Variants in DLGAP2 observed in about 807,000 individuals in gnomAD.
The protein encoded by DLGAP2 is DLG associated protein 2, also known as disks large-associated protein 2.
In DLGAP2, 26 loss-of-function variants were observed where a neutral mutation model predicts 100.3. The ratio of observed to expected loss-of-function variants is 0.26; its 90% confidence interval spans 0.19 to 0.36. DLGAP2 has a LOEUF of 0.36. Ranked by LOEUF, DLGAP2 falls within the 10% of genes least tolerant of loss-of-function variation. DLGAP2 has a pLI of 1.00. For synonymous variants in DLGAP2, 886 were observed against 630.1 expected (o/e 1.41, Z -6.08); for missense variants, 1,858 against 1,453.2 (o/e 1.28, Z -4.53).
At chr8:1,479,168 G>T (rs1310016790) in intron 3 of DLGAP2, among the ~76,000 whole-genome samples, 1 of 152,258 alleles carries the variant, frequency 6.6e-6, no homozygotes, top group Non-Finnish European at 1.5e-5. Context: ...CAGCGGCCTT[G>T]AAAGGAGAGA....
intron 2 of DLGAP2, among the ~76,000 whole-genome samples, chr8:963,292 G>A (rs1322319660): frequency 6.7e-6 from 1 of 148,930 alleles, no homozygotes; most frequent in Non-Finnish European, 1.5e-5. Context: ...GGCACCCTAC[G>A]TAAGGCAAGT....
At chr8:1,114,224 G>T (rs2336699) in intron 2 of DLGAP2, among the ~76,000 whole-genome samples, 11 of 151,946 alleles carry the variant, frequency 7.2e-5, no homozygotes, top group Admixed American at 7.2e-4. Flanking sequence ...GAATGAGTTG[G>T]GGAGGAGTCC....
rs79584532 is a variant in DLGAP2, at chr8:1,161,474, A to G, written c.74-97377A>G. Among the ~76,000 whole-genome samples, 1,458 of 152,326 alleles carry G rather than the reference A, an allele frequency of 9.6e-3. 15 individuals are homozygous for G. Among genetic ancestry groups the G allele is most frequent in the African/African-American group, 0.034 (1,399 of 41,570 alleles). Reference sequence around the variant, plus strand: ...GCTCAGCGATCTTGCAAACTGGCCTAAGAGTGAGGGACAAATTCTGTTGGG... The same window carrying G: ...GCTCAGCGATCTTGCAAACTGGCCTGAGAGTGAGGGACAAATTCTGTTGGG... On this transcript the variant is annotated intron_variant, in intron 2 of 14. Coordinates refer to ENST00000637795, the MANE Select transcript of DLGAP2 (RefSeq NM_001346810.2).
chr8:1,621,626 G>T (rs990082445), intron 6 of DLGAP2: 1 of 152,168 alleles, frequency 6.6e-6, no homozygotes, highest in Non-Finnish European at 1.5e-5. Flanking sequence ...CACTGAGCAG[G>T]TGCTCCATAG....
At chr8:819,856 G>T (rs978879686) in intron 1 of DLGAP2, among the ~76,000 whole-genome samples, 1 of 152,170 alleles carries the variant, frequency 6.6e-6, no homozygotes, top group African/African-American at 2.4e-5. Flanking sequence ...TCATGGAAGT[G>T]GTGACTGTGG....
At chr8:1,536,634 C>G (rs961740904) in intron 4 of DLGAP2, among the ~76,000 whole-genome samples, 1 of 152,136 alleles carries the variant, frequency 6.6e-6, no homozygotes, top group Non-Finnish European at 1.5e-5. Flanking sequence ...CGAGGGCTCT[C>G]TAGAGAAAGA....
intron 3 of DLGAP2, among the ~76,000 whole-genome samples, chr8:1,432,664 C>T (rs1231320690): frequency 2.6e-5 from 4 of 152,200 alleles, no homozygotes; most frequent in African/African-American, 9.7e-5. Context: ...AAGGCACTGG[C>T]CCTGAGCTGT....
chr8:1,553,649 C>T (rs1026240201), intron 5 of DLGAP2, among the ~76,000 whole-genome samples: 2 of 152,322 alleles, frequency 1.3e-5, no homozygotes, highest in Middle Eastern at 3.4e-3. Context: ...GTTTCAGAAC[C>T]TCTCCCTGCT....
At chr8:931,744 C>T (rs1034552177) in intron 2 of DLGAP2, among the ~76,000 whole-genome samples, 1 of 152,126 alleles carries the variant, frequency 6.6e-6, no homozygotes, top group African/African-American at 2.4e-5. Flanking sequence ...CAGTGGTGGG[C>T]GTTGGCACAG....
chr8:1,590,729 G>A (rs59725085), intron 6 of DLGAP2, among the ~76,000 whole-genome samples: 15,402 of 152,152 alleles, frequency 0.1, 1,233 homozygotes, highest in African/African-American at 0.23. Flanking sequence ...CTATTCACTT[G>A]AAAATGGGAA....
intron 1 of DLGAP2, among the ~76,000 whole-genome samples, chr8:787,649 C>T (rs750715136): frequency 6.6e-6 from 1 of 152,204 alleles, no homozygotes; most frequent in South Asian, 2.1e-4. Context: ...GCCTCTTCCC[C>T]CCTTGGCCTT....
intron 2 of DLGAP2, among the ~76,000 whole-genome samples, chr8:1,198,330 G>C (rs1272855624): frequency 6.6e-6 from 1 of 152,184 alleles, no homozygotes. Context: ...CTATTGTTTT[G>C]AAATGACAAC....
chr8:1,355,772 G>C (rs1232415436), intron 3 of DLGAP2, among the ~76,000 whole-genome samples: 2 of 152,124 alleles, frequency 1.3e-5, no homozygotes, highest in Non-Finnish European at 2.9e-5. Flanking sequence ...CCCCACAGCT[G>C]TGTGGCTCCC....
rs1802283587 is a variant in DLGAP2, at chr8:1,040,092, C to CCGTGGTCGGCTCGGTGTG, written c.73+132152_73+132169dup. On this transcript the variant is annotated intron_variant, in intron 2 of 14. Transcript: ENST00000637795. ...TCGGTTTCCGTGGTCAGCTCGGTTT[C>CCGTGGTCGGCTCGGTGTG]CGTGGTCGGCTCGGTGTGCGTGGTC... is the stretch of plus-strand genomic sequence containing the variant. Among the ~76,000 whole-genome samples, 7 of 74,556 alleles carry CCGTGGTCGGCTCGGTGTG rather than the reference C, an allele frequency of 9.4e-5. 1 individual carries two copies. Among genetic ancestry groups the CCGTGGTCGGCTCGGTGTG allele is most frequent in the East Asian group, 4.0e-4 (1 of 2,480 alleles). 48.9% of individuals were successfully genotyped at this position (74,556 alleles called of 152,430 possible).
chr8:1,700,514 C>A (rs768130130), intron 14 of DLGAP2, among the ~76,000 whole-genome samples: 1 of 152,228 alleles, frequency 6.6e-6, no homozygotes, highest in Non-Finnish European at 1.5e-5. Context: ...TTACCCTTTG[C>A]ATGTGTTGCA....
intron 2 of DLGAP2, among the ~76,000 whole-genome samples, chr8:1,046,162 T>C (rs1802509238): frequency 6.6e-6 from 1 of 152,200 alleles, no homozygotes; most frequent in Non-Finnish European, 1.5e-5. Context: ...AGAAACCATA[T>C]TTCTGAAGGC....
At chr8:974,693 A>G (rs911963208) in intron 2 of DLGAP2, among the ~76,000 whole-genome samples, 1 of 152,206 alleles carries the variant, frequency 6.6e-6, no homozygotes, top group African/African-American at 2.4e-5. Flanking sequence ...AAAATATTTC[A>G]AACTAAGTAA....
chr8:1,108,163 A>T (rs1184441545), intron 2 of DLGAP2, among the ~76,000 whole-genome samples: 2 of 152,162 alleles, frequency 1.3e-5, no homozygotes, highest in African/African-American at 4.8e-5. Flanking sequence ...AGAAGAAAGG[A>T]TAGGAAGGTT....
chr8:905,466 T>G (rs927604693), intron 1 of DLGAP2, among the ~76,000 whole-genome samples: 1 of 152,100 alleles, frequency 6.6e-6, no homozygotes, highest in Non-Finnish European at 1.5e-5. Context: ...CCCACAGCCC[T>G]TTTTCAAATC....
Sources: allele counts gnomAD v4.1 joint callset (sites outside exome capture counted in the v4.1 genomes callset), GRCh38; gene constraint gnomAD v4.1.1; transcripts MANE v1.5; gene names NCBI Gene and HGNC (gene_info 2026-07-23, HGNC 2026-07-21).